Variants in RALGPS1 observed in about 807,000 individuals in gnomAD.
The protein encoded by RALGPS1 is ras-specific guanine nucleotide-releasing factor RalGPS1.
In RALGPS1, 19 loss-of-function variants were observed where a neutral mutation model predicts 78.8. That is an observed-to-expected ratio of 0.24 (90% CI 0.17 to 0.35). The LOEUF (loss-of-function observed/expected upper bound fraction) is 0.35, where lower values mean the gene tolerates loss of function less well. Among genes scored for constraint, RALGPS1 ranks in the 10% least tolerant of loss-of-function variants. RALGPS1 has a pLI of 1.00. For missense variants in RALGPS1, 454 were observed against 688.3 expected (o/e 0.66, Z 3.81); for synonymous variants, 228 against 256.3 (o/e 0.89, Z 1.06).
At chr9:127,059,409 T>C (rs1037627574) in intron 7 of RALGPS1, among the ~76,000 whole-genome samples, 3 of 152,194 alleles carry the variant, frequency 2.0e-5, no homozygotes, top group African/African-American at 7.2e-5. Flanking sequence ...TCAGAAGATC[T>C]CAGTCAAATC....
chr9:126,935,871 G>A (rs894280127), intron 1 of RALGPS1, among the ~76,000 whole-genome samples: 14 of 152,216 alleles, frequency 9.2e-5, no homozygotes, highest in African/African-American at 3.4e-4. Flanking sequence ...TCCACTGTCT[G>A]ATTAGAGTTG....
In RALGPS1 at chr9:127,166,242, C is replaced by T. The variant is rs941767924; in HGVS notation, c.748+36C>T. 4.4e-6 allele frequency: 7 copies of T among 1,607,186 alleles called. No individual in the cohort carries two copies. The African/African-American group carries it at 5.4e-5, about 12-fold the overall frequency. The stretch of plus-strand genomic sequence containing the variant: ...TTGTTGTTAGAATTGTGAAATCTTA[C>T]GTCATTGAAATTTGGGTCTTACCAG... On this transcript the variant is annotated intron_variant, in intron 9 of 18. Transcript: ENST00000259351.
intron 4 of RALGPS1, among the ~76,000 whole-genome samples, chr9:126,993,622 C>T (rs1345213925): frequency 4.0e-5 from 6 of 151,788 alleles, no homozygotes; most frequent in Admixed American, 3.9e-4. Context: ...CAGCTCTCAG[C>T]GTGAGTGATG....
intron 8 of RALGPS1, among the ~76,000 whole-genome samples, chr9:127,096,289 G>T (rs1241193353): frequency 1.3e-5 from 2 of 152,268 alleles, no homozygotes; most frequent in Non-Finnish European, 2.9e-5. Flanking sequence ...GTCCCCAACA[G>T]CTGGAGCAGA....
Position 127,211,975 on chromosome 9 carries a change from C to T in RALGPS1, c.1248-156C>T, listed in dbSNP as rs1369699872. ...GGTGGGCCCTTCATGTGCGTTATCACCTGGCCCTCCCCTCCGGGCCTTGCT... is the reference window on the plus strand; with the variant it reads ...GGTGGGCCCTTCATGTGCGTTATCATCTGGCCCTCCCCTCCGGGCCTTGCT... On this transcript the variant is annotated intron_variant, in intron 14 of 18. Transcript: ENST00000259351. The surrounding 1 kb of genome is among the most constrained non-coding windows in gnomAD (Gnocchi z 5.0). Among the ~76,000 whole-genome samples, 1 of 152,208 alleles carries T rather than the reference C, an allele frequency of 6.6e-6. No homozygotes were observed. Among genetic ancestry groups the T allele is most frequent in the East Asian group, 1.9e-4 (1 of 5,202 alleles).
intron 1 of RALGPS1, among the ~76,000 whole-genome samples, chr9:126,928,604 T>A (rs894269277): frequency 3.9e-5 from 6 of 152,082 alleles, no homozygotes; most frequent in African/African-American, 9.7e-5. Context: ...TTTTTTTTTT[T>A]ATTTTTATTT....
chr9:127,038,572 T>C (rs931714686), intron 5 of RALGPS1, among the ~76,000 whole-genome samples: 1 of 152,252 alleles, frequency 6.6e-6, no homozygotes, highest in Non-Finnish European at 1.5e-5. Flanking sequence ...CTCATCACTC[T>C]AGTTCTATTC....
intron 8 of RALGPS1, among the ~76,000 whole-genome samples, chr9:127,114,488 C>T (rs1296884152): frequency 6.6e-6 from 1 of 152,236 alleles, no homozygotes; most frequent in East Asian, 1.9e-4. Context: ...ACCCTCTAGG[C>T]AGGACGACGA....
At chr9:126,922,098 C>T (rs1226764458) in intron 1 of RALGPS1, among the ~76,000 whole-genome samples, 5 of 152,170 alleles carry the variant, frequency 3.3e-5, no homozygotes, top group South Asian at 2.1e-4. Flanking sequence ...AGGGAGAGGA[C>T]GGAGCCATTC....
rs2048161513 is a variant in RALGPS1, at chr9:127,050,023, G to A, written c.301-20G>A. The stretch of plus-strand genomic sequence containing the variant: ...TTTTCTGGTGTGTATGTGTGTATGT[G>A]TGTGTATTTGACTCTACAGGTCAGT... On this transcript the variant is annotated intron_variant, in intron 5 of 18. Transcript: ENST00000259351. 6.4e-7 allele frequency: 1 copy of A among 1,569,266 alleles called. No homozygotes were observed. Among genetic ancestry groups the A allele is most frequent in the Non-Finnish European group, 8.8e-7 (1 of 1,139,334 alleles).
chr9:127,106,343 T>C (rs1010464030), intron 8 of RALGPS1, among the ~76,000 whole-genome samples: 7 of 152,312 alleles, frequency 4.6e-5, no homozygotes, highest in African/African-American at 1.7e-4. Context: ...AGCAGACACG[T>C]GTACAGATGG....
chr9:127,108,588 G>C (rs878915732), intron 8 of RALGPS1: 3 of 1,613,430 alleles, frequency 1.9e-6, no homozygotes, highest in Non-Finnish European at 2.5e-6. Flanking sequence ...CCTGGGACTC[G>C]CCCGCCCGCT....
chr9:127,168,129 C>T (rs2139673958), intron 9 of RALGPS1, among the ~76,000 whole-genome samples: 1 of 152,360 alleles, frequency 6.6e-6, no homozygotes, highest in Non-Finnish European at 1.5e-5. Flanking sequence ...CTGGTACAGG[C>T]ATGTTCAGGT....
At chr9:126,938,607 C>A (rs988866481) in intron 1 of RALGPS1, among the ~76,000 whole-genome samples, 18 of 152,308 alleles carry the variant, frequency 1.2e-4, no homozygotes, top group African/African-American at 4.3e-4. Flanking sequence ...TTGATGGCTT[C>A]TTATTTGTAC....
intron 14 of RALGPS1, among the ~76,000 whole-genome samples, chr9:127,199,608 T>TGCCTCCCTCGAGGATCCCTC (rs2061520692): frequency 2.5e-5 from 1 of 39,818 alleles, no homozygotes; most frequent in Non-Finnish European, 7.8e-5. Context: ...GAGGATCCCT[T>TGCCTCCCTCGAGGATCCCTC]GGCCCAGGGT....
intron 8 of RALGPS1, among the ~76,000 whole-genome samples, chr9:127,137,316 G>A (rs1308037224): frequency 1.3e-5 from 2 of 152,204 alleles, no homozygotes; most frequent in Admixed American, 6.5e-5. Context: ...TGTCTGGATT[G>A]TTTGGTTTTT....
chr9:127,119,869 A>G (rs990286815), intron 8 of RALGPS1, among the ~76,000 whole-genome samples: 4 of 152,220 alleles, frequency 2.6e-5, no homozygotes, highest in African/African-American at 9.7e-5. Flanking sequence ...CTGCCCAGAG[A>G]AGACAGTGAG....
At position 126,965,834 on chromosome 9, in the gene RALGPS1, C is replaced by G; in HGVS notation, c.58-10C>G. 1 of 1,608,862 alleles carries G rather than the reference C, an allele frequency of 6.2e-7. No homozygotes were observed. Among genetic ancestry groups the G allele is most frequent in the South Asian group, 1.1e-5 (1 of 90,960 alleles). ...ATTCAGTTGGCACCATCTTTCCCTG[C>G]TCTCCACAGGGCAGCAGCAGCTCGG... On this transcript the variant is annotated splice_polypyrimidine_tract_variant and intron_variant, in intron 2 of 18. Transcript: ENST00000259351.
At chr9:127,161,818 G>A (rs79651895) in intron 8 of RALGPS1, among the ~76,000 whole-genome samples, 1,819 of 152,242 alleles carry the variant, frequency 0.012, 15 homozygotes, top group Middle Eastern at 0.041. Flanking sequence ...ACAGACCTGT[G>A]CTCAAATCCT....
Sources: gnomAD v4.1 joint callset for allele counts (sites outside exome capture counted in the v4.1 genomes callset) on GRCh38, gnomAD v4.1.1 for gene constraint, Gnocchi (gnomAD v3.1) non-coding constraint, MANE v1.5 for transcripts, NCBI Gene and HGNC (gene_info 2026-07-23, HGNC 2026-07-21) for gene names.